The following RBX1 variants were observed in gnomAD, a reference collection of about 807,000 sequenced individuals.
The protein encoded by RBX1 is E3 ubiquitin-protein ligase RBX1.
For missense variants in RBX1, 46 were observed against 141.4 expected, an observed-to-expected ratio of 0.33 and a Z score of 3.42; for synonymous variants, 48 against 47.9, an observed-to-expected ratio of 1.00 and a Z score of -0.01.
At chr22:40,964,269 T>C in intron 3 of RBX1, 152 bp downstream of exon 3, 1 of 587,186 alleles carries the variant, frequency 1.7e-6, no homozygotes, top group Non-Finnish European at 3.1e-6. Context: ...TAAATCATAA[T>C]ACTATTCACC....
In RBX1 at chr22:40,967,825, T is replaced by C; in HGVS notation, c.255T>C (p.Ser85=). The change falls in exon 4 of 5, where the codon TCT becomes TCC. Residue 85 remains serine (S), a synonymous_variant. Transcript: ENST00000216225. ...CNHAFHFHCI[S]RWLKTRQVCP... ...ATGCTTTTCACTTCCACTGCATCTC[T>C]CGCTGGCTCAAAACACGACAGGTGT... The C allele has an allele frequency of 6.2e-7, 1 of 1,613,926 alleles. No homozygotes were observed. Among genetic ancestry groups the C allele is most frequent in the Non-Finnish European group, 8.5e-7 (1 of 1,179,810 alleles).
rs188767290 is a variant in RBX1, at chr22:40,953,507, G to C, written c.79-48G>C. 1.1e-5 allele frequency: 13 copies of C among 1,214,282 alleles called. No individual in the cohort carries two copies. The East Asian group carries it at 2.6e-4, about 24-fold the overall frequency. 75.2% of individuals were successfully genotyped at this position (1,214,282 alleles called of 1,614,324 possible). On this transcript the variant is annotated intron_variant, in intron 1 of 4. Coordinates refer to ENST00000216225, the MANE Select transcript of RBX1 (RefSeq NM_014248.4). ...CAGCCTGAGGTCCTAAAGAGTATGT[G>C]TGTGTGTTACAAGCAGAATGCACTG...
Position 40,953,537 on chromosome 22 carries a change from C to A in RBX1, c.79-18C>A. ...TGTTACAAGCAGAATGCACTGTTCC[C>A]TCTTTTTGTCTTTGCAGTGGAATGC... On this transcript the variant is annotated intron_variant, in intron 1 of 4. Coordinates refer to ENST00000216225, the MANE Select transcript of RBX1 (RefSeq NM_014248.4). 1.3e-6 allele frequency: 2 copies of A among 1,570,314 alleles called. No homozygotes were observed. Among genetic ancestry groups the A allele is most frequent in the South Asian group, 1.1e-5 (1 of 89,954 alleles).
chr22:40,951,600 C>T (rs2058310618), intron 1 of RBX1, 124 bp downstream of exon 1: 1 of 886,290 alleles, frequency 1.1e-6, no homozygotes, highest in East Asian at 2.7e-5. Flanking sequence ...GACCGGGTAC[C>T]ACGAAAGGAA....
At chr22:40,961,646 C>G (rs2058340766) in intron 2 of RBX1, among the ~76,000 whole-genome samples, 1 of 152,102 alleles carries the variant, frequency 6.6e-6, no homozygotes, top group African/African-American at 2.4e-5. Context: ...CCTCGTGACC[C>G]ACCCGCCTCA....
Sources: gnomAD v4.1 joint callset for allele counts (sites outside exome capture counted in the v4.1 genomes callset) on GRCh38, gnomAD v4.1.1 for gene constraint, MANE v1.5 for transcripts, NCBI Gene and HGNC (gene_info 2026-07-23, HGNC 2026-07-21) for gene names.